Variants in AGMO observed in about 807,000 individuals in gnomAD.
AGMO encodes the protein alkylglycerol monooxygenase.
Under a neutral mutation model 60.2 loss-of-function variants are expected in AGMO, and 75 were observed. The ratio of observed to expected loss-of-function variants is 1.25; its 90% CI spans 1.03 to 1.51. AGMO has a LOEUF of 1.51. AGMO is among the 40% of genes most tolerant of loss of function. AGMO has a pLI of 0.00. For missense variants in AGMO, 763 were observed against 525.5 expected (o/e 1.45, Z -4.42); for synonymous variants, 261 against 177.1 (o/e 1.47, Z -3.76).
At chr7:15,545,762 A>G (rs1583671481) in intron 2 of AGMO, among the ~76,000 whole-genome samples, 1 of 152,138 alleles carries the variant, frequency 6.6e-6, no homozygotes, top group Non-Finnish European at 1.5e-5. Context: ...AAAGTATATT[A>G]TTCTTTCTTT....
At chr7:15,234,623 G>A (rs1344859292) in intron 12 of AGMO, among the ~76,000 whole-genome samples, 2 of 152,144 alleles carry the variant, frequency 1.3e-5, no homozygotes, top group African/African-American at 2.4e-5. Flanking sequence ...TTTCTGAAAA[G>A]GAACAGCTAG....
intron 3 of AGMO, among the ~76,000 whole-genome samples, chr7:15,531,117 C>A (rs370679604): frequency 8.8e-5 from 1 of 11,344 alleles, no homozygotes; most frequent in African/African-American, 3.9e-4. Context: ...TATATATATT[C>A]TATATATATT....
At chr7:15,264,815 A>G (rs1296731661) in intron 12 of AGMO, among the ~76,000 whole-genome samples, 1 of 152,088 alleles carries the variant, frequency 6.6e-6, no homozygotes, top group African/African-American at 2.4e-5. Context: ...AAAAGGAAAC[A>G]CTTATACCTT....
At chr7:15,434,656 G>C (rs1781348395) in intron 3 of AGMO, among the ~76,000 whole-genome samples, 1 of 152,102 alleles carries the variant, frequency 6.6e-6, no homozygotes, top group Non-Finnish European at 1.5e-5. Context: ...CTCCATTTGA[G>C]CATTCCAATG....
At chr7:15,243,232 A>C (rs1252814108) in intron 12 of AGMO, among the ~76,000 whole-genome samples, 1 of 152,088 alleles carries the variant, frequency 6.6e-6, no homozygotes, top group Non-Finnish European at 1.5e-5. Flanking sequence ...ATTAAATCCA[A>C]GTTCTTTATA....
At chr7:15,321,635 A>G (rs947936394) in intron 12 of AGMO, among the ~76,000 whole-genome samples, 1 of 152,154 alleles carries the variant, frequency 6.6e-6, no homozygotes, top group Non-Finnish European at 1.5e-5. Flanking sequence ...CAAGATTTAA[A>G]CATTTATAAA....
chr7:15,430,594 T>TGTTTTTTTTAAAAAAAAAAAACAACTG (rs1233413730), intron 4 of AGMO, among the ~76,000 whole-genome samples: 1 of 74,334 alleles, frequency 1.3e-5, no homozygotes, highest in Non-Finnish European at 3.3e-5. Flanking sequence ...GAGAATTAGT[T>TGTTTTTTTTAAAAAAAAAAAACAACTG]GTTTTTTTTA....
intron 3 of AGMO, among the ~76,000 whole-genome samples, chr7:15,466,090 T>C (rs1219287144): frequency 6.6e-6 from 1 of 152,146 alleles, no homozygotes; most frequent in Non-Finnish European, 1.5e-5. Context: ...ATGTTTTATT[T>C]TTCTGAAGCC....
At chr7:15,188,306 A>T in the AGMO span, among the ~76,000 whole-genome samples, 6 of 152,224 alleles carry the variant, frequency 3.9e-5, no homozygotes, top group Non-Finnish European at 8.8e-5. Context: ...AGAAAAGAGT[A>T]TATTACTATT....
At chr7:15,341,309 A>G (rs148929197) in intron 12 of AGMO, among the ~76,000 whole-genome samples, 90 of 152,238 alleles carry the variant, frequency 5.9e-4, no homozygotes, top group African/African-American at 2.1e-3. Flanking sequence ...CTCCCACCAG[A>G]TACCTTAAAT....
intron 10 of AGMO, 36 bp downstream of exon 10, chr7:15,385,410 A>T (rs975424499): frequency 1.6e-6 from 2 of 1,289,254 alleles, no homozygotes; most frequent in Non-Finnish European, 2.2e-6. Context: ...AGTAACAGAT[A>T]ATGTTCTCAC....
chr7:15,142,558 T>G, the AGMO span, among the ~76,000 whole-genome samples: 2 of 152,230 alleles, frequency 1.3e-5, no homozygotes, highest in Non-Finnish European at 2.9e-5. Context: ...TCTTTTCTCT[T>G]AATCTTTCAA....
At chr7:15,286,373 A>C (rs1341402291) in intron 12 of AGMO, among the ~76,000 whole-genome samples, 2 of 152,074 alleles carry the variant, frequency 1.3e-5, no homozygotes, top group Non-Finnish European at 2.9e-5. Flanking sequence ...ATAAATCAGC[A>C]GGAAAAAAAA....
intron 10 of AGMO, among the ~76,000 whole-genome samples, chr7:15,379,333 T>A (rs148231333): frequency 4.2e-3 from 639 of 152,158 alleles, no homozygotes; most frequent in Middle Eastern, 6.8e-3. Flanking sequence ...CAGGAGCTGT[T>A]TTGGGGAAAA....
chr7:15,501,182 T>C (rs772801926), intron 3 of AGMO, among the ~76,000 whole-genome samples: 10 of 152,002 alleles, frequency 6.6e-5, no homozygotes, highest in Non-Finnish European at 1.5e-4. Context: ...GAGCGTTCCA[T>C]AAATGTCTAT....
chr7:15,352,647 G>T lies in AGMO; in HGVS notation c.1263+12867C>A, dbSNP rs373540199. Among the ~76,000 whole-genome samples, 35 of 151,948 alleles carry T rather than the reference G, an allele frequency of 2.3e-4. 1 individual carries two copies. In the South Asian group the frequency reaches 6.7e-3, roughly 29 times the overall value. On this transcript the variant is annotated intron_variant, in intron 12 of 12. Transcript: ENST00000342526. The stretch of plus-strand genomic sequence containing the variant: ...ATTCTGGCCTTGAGTTGATGGTAGG[G>T]AAACCAGCTTACAGGCAACAGCAAG...
intron 2 of AGMO, among the ~76,000 whole-genome samples, chr7:15,555,434 C>T (rs1785107852): frequency 6.6e-6 from 1 of 151,076 alleles, no homozygotes; most frequent in Non-Finnish European, 1.5e-5. Context: ...TTGCACTGCC[C>T]GTCTGTAAAG....
chr7:15,339,473 C>G (rs1233390848), intron 12 of AGMO, among the ~76,000 whole-genome samples: 6 of 152,128 alleles, frequency 3.9e-5, no homozygotes, highest in Non-Finnish European at 5.9e-5. Flanking sequence ...AAAATCCAAA[C>G]ATAATTTTAG....
At chr7:15,508,932 A>G (rs946294265) in intron 3 of AGMO, among the ~76,000 whole-genome samples, 11 of 152,214 alleles carry the variant, frequency 7.2e-5, no homozygotes, top group Non-Finnish European at 1.5e-4. Flanking sequence ...TTTTAAGAAC[A>G]TGGGTAAGTA....
Sources: gnomAD v4.1 joint callset for allele counts (sites outside exome capture counted in the v4.1 genomes callset) on GRCh38, gnomAD v4.1.1 for gene constraint, MANE v1.5 for transcripts, NCBI Gene and HGNC (gene_info 2026-07-23, HGNC 2026-07-21) for gene names.